The following PIK3C2B variants were observed in gnomAD, a reference collection of about 807,000 sequenced individuals.
PIK3C2B encodes phosphatidylinositol-4-phosphate 3-kinase catalytic subunit type 2 beta.
A neutral mutation model predicts 184.3 loss-of-function variants in PIK3C2B; 83 were observed. The ratio of observed to expected loss-of-function variants is 0.45; its 90% CI spans 0.38 to 0.54. PIK3C2B has a LOEUF of 0.54. Ranked by LOEUF, PIK3C2B falls within the 20% of genes least tolerant of loss-of-function variation. PIK3C2B has a pLI of 0.00. For missense variants in PIK3C2B, 1,736 were observed against 2,113.5 expected (o/e 0.82, Z 3.50); for synonymous variants, 779 against 837.6 (o/e 0.93, Z 1.21).
intron 1 of PIK3C2B, among the ~76,000 whole-genome samples, chr1:204,484,192 C>A (rs11240748): frequency 6.6e-6 from 1 of 150,654 alleles, no homozygotes; most frequent in Non-Finnish European, 1.5e-5. Flanking sequence ...ACCTTTTTTT[C>A]CCCCCTCTGG....
intron 1 of PIK3C2B, among the ~76,000 whole-genome samples, chr1:204,485,632 G>A (rs1007305726): frequency 1.3e-5 from 2 of 149,280 alleles, no homozygotes; most frequent in Non-Finnish European, 3.0e-5. Flanking sequence ...GCAGTGCAGT[G>A]GCAGGATCTT....
At chr1:204,491,651 GA>G (rs1197211667) in intron 1 of PIK3C2B, among the ~76,000 whole-genome samples, 1 of 152,230 alleles carries the variant, frequency 6.6e-6, no homozygotes, top group Non-Finnish European at 1.5e-5. Context: ...AACAGGGAGA[GA>G]CCCTGTCTCA....
chr1:204,465,172 C>CAACCCCCCA, intron 3 of PIK3C2B, 47 bp downstream of exon 3: 1 of 820,642 alleles, frequency 1.2e-6, no homozygotes, highest in Non-Finnish European at 2.1e-6. Context: ...CCCCCCTCCC[C>CAACCCCCCA]ATCCCCCATA....
intron 1 of PIK3C2B, among the ~76,000 whole-genome samples, chr1:204,484,190 T>C (rs952036199): frequency 6.6e-6 from 1 of 152,128 alleles, no homozygotes; most frequent in Non-Finnish European, 1.5e-5. Context: ...ATACCTTTTT[T>C]TCCCCCCTCT....
Position 204,424,513 on chromosome 1 carries a change from C to CCA in PIK3C2B, c.*337_*338dup. 1 of 325,302 alleles carries CCA rather than the reference C, an allele frequency of 3.1e-6. No individual in the cohort carries two copies. Among genetic ancestry groups the CCA allele is most frequent in the South Asian group, 2.9e-5 (1 of 35,054 alleles). The allele number at this position is 325,302 out of a possible 1,614,324, so 20.2% of individuals were successfully genotyped here. A position where few individuals can be genotyped will look rare whatever the true frequency, so the allele number is the denominator to read the frequency against. On this transcript the variant is annotated 3_prime_UTR_variant, in exon 33 of 33. Transcript: ENST00000684373. ...TAAAAATAAAAATTAAGATATCCAC[C>CCA]CACCCACCCCCAAAATGCTACTTCA...
At chr1:204,457,673 T>C in intron 9 of PIK3C2B, 55 bp downstream of exon 9, 1 of 1,526,292 alleles carries the variant, frequency 6.6e-7, no homozygotes, top group Non-Finnish European at 8.8e-7. Flanking sequence ...GCAACTCAGT[T>C]ACCTGACAGT....
Position 204,441,020 on chromosome 1 carries a change from G to T in PIK3C2B, c.3249+451C>A, listed in dbSNP as rs142521630. On this transcript the variant is annotated intron_variant, in intron 21 of 32. Coordinates refer to ENST00000684373, the MANE Select transcript of PIK3C2B (RefSeq NM_001377334.1). ...TGCATGTATTTTGTCTCCCCCATTA[G>T]ATTATATGCTCTGAGACTATCATTT... Among the ~76,000 whole-genome samples the T allele has an allele frequency of 9.8e-5, 15 of 152,320 alleles. No individual in the cohort carries two copies. In the East Asian group the frequency reaches 1.7e-3, roughly 18 times the overall value.
At chr1:204,479,127 C>A (rs1267791992) in intron 1 of PIK3C2B, among the ~76,000 whole-genome samples, 1 of 152,184 alleles carries the variant, frequency 6.6e-6, no homozygotes, top group Non-Finnish European at 1.5e-5. Context: ...CAGAAGCTGG[C>A]AATCAACTGA....
intron 2 of PIK3C2B, chr1:204,466,866 T>C (rs769876674): frequency 2.3e-5 from 12 of 533,048 alleles, no homozygotes; most frequent in Non-Finnish European, 4.6e-5. Flanking sequence ...GGCTGGCATT[T>C]GGAGCCAGCC....
intron 12 of PIK3C2B, among the ~76,000 whole-genome samples, chr1:204,453,722 T>C (rs1654570539): frequency 6.6e-6 from 1 of 151,996 alleles, no homozygotes; most frequent in African/African-American, 2.4e-5. Context: ...TTAAACTCTT[T>C]AAGGGAGACA....
chr1:204,441,379 A>C (rs1675651269), intron 21 of PIK3C2B, 92 bp downstream of exon 21: 2 of 740,810 alleles, frequency 2.7e-6, no homozygotes, highest in Non-Finnish European at 4.8e-6. Context: ...AACAGTGGGA[A>C]GAGAACCACC....
intron 10 of PIK3C2B, 41 bp downstream of exon 10, chr1:204,456,996 C>T (rs1021362334): frequency 7.8e-6 from 12 of 1,546,444 alleles, no homozygotes; most frequent in Middle Eastern, 1.7e-4. Flanking sequence ...CTGCAGTTTT[C>T]GGCAGCCCGA....
chr1:204,455,816 C>T, intron 11 of PIK3C2B, 40 bp downstream of exon 11: 1 of 1,532,820 alleles, frequency 6.5e-7, no homozygotes, highest in Non-Finnish European at 8.9e-7. Context: ...GGAGGTCAAA[C>T]TCAGCTTGCT....
intron 5 of PIK3C2B, 119 bp downstream of exon 5, chr1:204,463,893 G>T: frequency 2.0e-6 from 2 of 1,003,894 alleles, no homozygotes; most frequent in African/African-American, 1.6e-5. Context: ...CAGAAAGCAG[G>T]AGTCTTGACT....
intron 29 of PIK3C2B, 143 bp downstream of exon 29, chr1:204,429,778 C>G (rs948366703): frequency 1.5e-6 from 1 of 649,234 alleles, no homozygotes; most frequent in African/African-American, 1.8e-5. Flanking sequence ...CTTCTGCAGA[C>G]TGGAGCATTG....
At chr1:204,485,199 C>A (rs149410808) in intron 1 of PIK3C2B, among the ~76,000 whole-genome samples, 1 of 152,080 alleles carries the variant, frequency 6.6e-6, no homozygotes. Context: ...CAGGGGTAAG[C>A]CACTGCACCC....
At chr1:204,463,728 T>G (rs1655520146) in intron 5 of PIK3C2B, among the ~76,000 whole-genome samples, 1 of 108,926 alleles carries the variant, frequency 9.2e-6, no homozygotes. Context: ...AATACACACA[T>G]CTCTCCATAA....
rs1491030823 is a variant in PIK3C2B at position 204,487,206 on chromosome 1, AGT to A, written c.-85+7148_-85+7149del. 1.6e-3 allele frequency among the ~76,000 whole-genome samples: 241 copies of A among 152,332 alleles called. 1 individual carries two copies. Among genetic ancestry groups the A allele is most frequent in the Non-Finnish European group, 1.5e-3 (101 of 68,030 alleles). ...CTGTAACCTCAAACTCCCCAGGTCAAGTGATCCTCCCACCTCAGCCTCTCAAG... is the reference window on the plus strand; with the variant it reads ...CTGTAACCTCAAACTCCCCAGGTCAAGATCCTCCCACCTCAGCCTCTCAAG... On this transcript the variant is annotated intron_variant, in intron 1 of 32. Coordinates refer to ENST00000684373, the MANE Select transcript of PIK3C2B (RefSeq NM_001377334.1).
At chr1:204,432,457 C>G (rs1675116160) in intron 26 of PIK3C2B, 56 bp from the exon 27 acceptor site, 1 of 1,390,718 alleles carries the variant, frequency 7.2e-7, no homozygotes. Context: ...CCTGCTGCCT[C>G]GACAGGGGTG....
Sources: gnomAD v4.1 joint callset for allele counts (sites outside exome capture counted in the v4.1 genomes callset) on GRCh38, gnomAD v4.1.1 for gene constraint, MANE v1.5 for transcripts, NCBI Gene and HGNC (gene_info 2026-07-23, HGNC 2026-07-21) for gene names.